Variants in SOCS7 observed in about 807,000 individuals in gnomAD.
The protein encoded by SOCS7 is NAP-4.
In SOCS7, 18 loss-of-function variants were observed where a neutral mutation model predicts 58.9. The observed-to-expected ratio is 0.31, with a 90% CI of 0.21 to 0.45. SOCS7 has a LOEUF of 0.45. SOCS7 is among the 20% of genes least tolerant of loss of function. The probability of loss-of-function intolerance (pLI) is 1.00; values close to 1 mark genes in which losing one functional copy is unlikely to be tolerated. For missense variants in SOCS7, 667 were observed against 837.3 expected, an observed-to-expected ratio of 0.80 and a Z score of 2.51; for synonymous variants, 388 against 364.3, an observed-to-expected ratio of 1.06 and a Z score of -0.74.
rs2038321137 is a variant in SOCS7 at position 38,401,695 on chromosome 17, C to T, written c.*2213C>T. On this transcript the variant is annotated 3_prime_UTR_variant, in exon 10 of 10. Transcript: ENST00000612932. ...CTGGGAAAGTTCTGTGCCTCTGAGG[C>T]TTTGGGTTGTAGTCAATGGCAGGAC... 1 of 152,208 alleles carries T rather than the reference C, an allele frequency of 6.6e-6. No individual in the cohort carries two copies. The highest frequency in any genetic ancestry group is 2.1e-4 in the South Asian group (1 of 4,822). The allele number at this position is 152,208 out of a possible 1,614,324, so 9.4% of individuals were successfully genotyped here. A position where few individuals can be genotyped will look rare whatever the true frequency, so the allele number is the denominator to read the frequency against.
chr17:38,398,622 T>G (rs2038275622), intron 9 of SOCS7, among the ~76,000 whole-genome samples: 1 of 152,218 alleles, frequency 6.6e-6, no homozygotes, highest in Admixed American at 6.5e-5. Context: ...TTGGGAGTTC[T>G]GAATGGCCTG....
Position 38,389,897 on chromosome 17 carries a change from A to ATATATATGTG in SOCS7, c.1682-5410_1682-5409insTATATGTGTA, listed in dbSNP as rs1400191697. Among the ~76,000 whole-genome samples the ATATATATGTG allele has an allele frequency of 4.1e-4, 32 of 77,362 alleles. 1 individual carries two copies. Among genetic ancestry groups the ATATATATGTG allele is most frequent in the Middle Eastern group, 6.2e-3 (1 of 162 alleles). The allele number at this position is 77,362 out of a possible 152,430, so 50.8% of individuals were successfully genotyped here. ...TATATATATATGTACATATATATAT[A>ATATATATGTG]TACACATATAGAGAGAGAGAGAGAG... is the stretch of plus-strand genomic sequence containing the variant. On this transcript the variant is annotated intron_variant, in intron 7 of 9. Transcript: ENST00000612932.
intron 7 of SOCS7, among the ~76,000 whole-genome samples, chr17:38,390,509 A>G (rs554542638): frequency 6.6e-6 from 1 of 152,108 alleles, no homozygotes; most frequent in Non-Finnish European, 1.5e-5. Flanking sequence ...CAGTACATCA[A>G]TTTGGGGAGG....
At chr17:38,377,899 G>A in intron 7 of SOCS7, 57 bp downstream of exon 7, 2 of 1,540,996 alleles carry the variant, frequency 1.3e-6, no homozygotes, top group Non-Finnish European at 8.8e-7. Context: ...CCAGTTTAGT[G>A]TCAAAAAACA....
intron 1 of SOCS7, among the ~76,000 whole-genome samples, chr17:38,359,967 G>A (rs2037694348): frequency 6.6e-6 from 1 of 151,456 alleles, no homozygotes; most frequent in Non-Finnish European, 1.5e-5. Flanking sequence ...TTGTAGAGAC[G>A]AGGTTTCATC....
At position 38,403,877 on chromosome 17, in the gene SOCS7, A is replaced by T. The variant is rs1473816043; in HGVS notation, c.*4395A>T. ...TCTTCCACTGAATTTGTGCTATTGC[A>T]TACATGTAGCCATCTTTCTTTTCAC... On this transcript the variant is annotated 3_prime_UTR_variant, in exon 10 of 10. Transcript: ENST00000612932. The T allele has an allele frequency of 6.6e-6, 1 of 152,118 alleles. No individual in the cohort carries two copies. The highest frequency in any genetic ancestry group is 6.6e-5 in the Admixed American group (1 of 15,262). The allele number at this position is 152,118 out of a possible 1,614,324, so 9.4% of individuals were successfully genotyped here.
intron 6 of SOCS7, among the ~76,000 whole-genome samples, chr17:38,376,136 T>G (rs947678076): frequency 1.3e-5 from 2 of 152,188 alleles, no homozygotes; most frequent in Admixed American, 6.5e-5. Flanking sequence ...TAAGAAAGAT[T>G]AATGAAAATA....
intron 5 of SOCS7, among the ~76,000 whole-genome samples, chr17:38,367,213 C>T (rs1004409539): frequency 1.3e-5 from 2 of 149,780 alleles, no homozygotes; most frequent in Admixed American, 1.3e-4. Context: ...TACAGGCGCC[C>T]ACCACCATGC....
intron 1 of SOCS7, among the ~76,000 whole-genome samples, chr17:38,355,106 G>T (rs186100318): frequency 3.3e-5 from 5 of 152,150 alleles, no homozygotes; most frequent in African/African-American, 9.7e-5. Context: ...AGTTATTTGT[G>T]TATAAACGTT....
intron 6 of SOCS7, 36 bp downstream of exon 6, chr17:38,368,086 T>C (rs909333396): frequency 1.2e-5 from 19 of 1,548,248 alleles, no homozygotes; most frequent in Non-Finnish European, 1.3e-5. Context: ...TCTTCCCCCC[T>C]TGATTTGCTC....
chr17:38,399,003 T>C (rs2038281730), intron 9 of SOCS7, among the ~76,000 whole-genome samples: 1 of 150,496 alleles, frequency 6.6e-6, no homozygotes, highest in Non-Finnish European at 1.5e-5. Context: ...GACAGGAGAA[T>C]CTTGAACCCA....
chr17:38,395,252 A>G (rs2038230211), intron 7 of SOCS7, 57 bp from the exon 8 acceptor site: 2 of 1,587,712 alleles, frequency 1.3e-6, no homozygotes, highest in African/African-American at 1.3e-5. Context: ...CATACAAGAA[A>G]TGGTAGTTAG....
chr17:38,372,905 G>A (rs185728166), intron 6 of SOCS7, among the ~76,000 whole-genome samples: 1 of 152,096 alleles, frequency 6.6e-6, no homozygotes, highest in South Asian at 2.1e-4. Context: ...TCGGGAGTTC[G>A]AGACCAGCCT....
In SOCS7 at chr17:38,352,834, C is replaced by G; in HGVS notation, c.782C>G (p.Pro261Arg). 6.4e-7 allele frequency: 1 copy of G among 1,569,458 alleles called. No individual in the cohort carries two copies. The highest frequency in any genetic ancestry group is 1.2e-5 in the South Asian group (1 of 85,504). ...QPPPPPPPPGPLRPLAGPSRK... is the reference protein window; with the variant it reads ...QPPPPPPPPGRLRPLAGPSRK... Reference sequence around the variant, plus strand: ...CCCCCGCCCCCGCCTCCTCCCGGGCCCCTCCGGCCACTCGCGGGTCCTTCT... The same window carrying G: ...CCCCCGCCCCCGCCTCCTCCCGGGCGCCTCCGGCCACTCGCGGGTCCTTCT... The change falls in exon 1 of 10, where the codon CCC (proline) becomes CGC (arginine). Residue 261 changes from proline (P) to arginine (R), a missense_variant. Pro to Arg is a moderately radical substitution (Grantham distance 103). This residue lies in a region of SOCS7 where 208 missense variants were observed against 190.3 expected (regional missense o/e 1.09). Transcript: ENST00000612932. This position sits in a 1 kb window ranked among gnomAD's most constrained non-coding sequence, Gnocchi z 5.5.
At position 38,404,751 on chromosome 17, in the gene SOCS7, G is replaced by A. The variant is rs1274875766; in HGVS notation, c.*5269G>A. ...CCTAACCAGCTCAGGTGGAGCAGAA[G>A]CCTGCTCTCACTCCTCCATCTCTGG... On this transcript the variant is annotated 3_prime_UTR_variant, in exon 10 of 10. Transcript: ENST00000612932. The A allele has an allele frequency of 1.3e-5, 2 of 152,372 alleles. No homozygotes were observed. The highest frequency in any genetic ancestry group is 2.9e-5 in the Non-Finnish European group (2 of 68,154). 9.4% of individuals were successfully genotyped at this position (152,372 alleles called of 1,614,324 possible).
At chr17:38,374,081 C>G (rs374119957) in intron 6 of SOCS7, among the ~76,000 whole-genome samples, 1 of 82,462 alleles carries the variant, frequency 1.2e-5, no homozygotes, top group Non-Finnish European at 2.2e-5. Flanking sequence ...ATTAGCCAGG[C>G]TGGTGGCACG....
chr17:38,370,947 C>A (rs1434151091), intron 6 of SOCS7, among the ~76,000 whole-genome samples: 1 of 152,122 alleles, frequency 6.6e-6, no homozygotes, highest in South Asian at 2.1e-4. Context: ...CGGCGCCCGG[C>A]CTTATAACTG....
At chr17:38,390,635 T>G (rs2144394317) in intron 7 of SOCS7, among the ~76,000 whole-genome samples, 1 of 146,872 alleles carries the variant, frequency 6.8e-6, no homozygotes, top group Non-Finnish European at 1.5e-5. Context: ...TTTTCTTTTG[T>G]TCGTTTTCCT....
At chr17:38,389,242 G>A (rs1376129465) in intron 7 of SOCS7, among the ~76,000 whole-genome samples, 1 of 152,076 alleles carries the variant, frequency 6.6e-6, no homozygotes. Flanking sequence ...TTTTATAATT[G>A]AGCTATTTGT....
Sources: allele counts gnomAD v4.1 joint callset (sites outside exome capture counted in the v4.1 genomes callset), GRCh38; gene constraint gnomAD v4.1.1; regional missense constraint gnomAD v4.1.1; non-coding constraint Gnocchi (gnomAD v3.1); transcripts MANE v1.5; gene names NCBI Gene and HGNC (gene_info 2026-07-23, HGNC 2026-07-21).